The following POR variants were observed in gnomAD, a reference collection of about 807,000 sequenced individuals.
POR encodes the protein NADPH--cytochrome P450 reductase.
POR carries 56 observed loss-of-function variants against 84.0 expected under a neutral mutation model. That is an observed-to-expected ratio of 0.67 (90% CI 0.54 to 0.83). The LOEUF (loss-of-function observed/expected upper bound fraction) is 0.83. Ranked by LOEUF, POR falls within the 40% of genes least tolerant of loss-of-function variation. The probability of loss-of-function intolerance (pLI) is 0.00; values close to 1 mark genes in which losing one functional copy is unlikely to be tolerated. For synonymous variants in POR, 414 were observed against 400.5 expected, an observed-to-expected ratio of 1.03 and a Z score of -0.40; for missense variants, 938 against 944.3, an observed-to-expected ratio of 0.99 and a Z score of 0.09.
chr7:75,979,841 GGCC>G (rs1260800236), intron 4 of POR: 6 of 451,408 alleles, frequency 1.3e-5, no homozygotes, highest in African/African-American at 1.2e-4. Flanking sequence ...CCCTCCTGGC[GGCC>G]GCCACATCTC....
intron 1 of POR, among the ~76,000 whole-genome samples, chr7:75,934,469 A>C (rs1554550541): frequency 7.2e-5 from 11 of 152,336 alleles, no homozygotes. Flanking sequence ...GCCATGTGAC[A>C]GAAAGAAAAA....
intron 5 of POR, chr7:75,980,700 G>C (rs782755647): frequency 1.2e-5 from 19 of 1,527,318 alleles, no homozygotes; most frequent in Middle Eastern, 1.7e-4. Flanking sequence ...GCTCCAGGGG[G>C]CATTGGGTGC....
At chr7:75,955,890 A>G (rs982152211) in intron 2 of POR, among the ~76,000 whole-genome samples, 8 of 152,248 alleles carry the variant, frequency 5.3e-5, no homozygotes, top group Middle Eastern at 3.4e-3. Context: ...CCCTATTCCA[A>G]TCTGGGTATC....
At chr7:75,918,343 G>A (rs1051088634) in intron 1 of POR, among the ~76,000 whole-genome samples, 1 of 152,096 alleles carries the variant, frequency 6.6e-6, no homozygotes, top group Non-Finnish European at 1.5e-5. Flanking sequence ...TTGTTTTGCT[G>A]TGCAGTTTTG....
In POR at chr7:75,972,463, TGA is replaced by T. The variant is rs1554556324; in HGVS notation, c.237+4_237+5del. ...TTTGTGGAAAAGATGAAGAAAACGG[TGA>T]GTTTCCTGCATGTCTTTACTCTTCT... On this transcript the variant is annotated splice_donor_region_variant and intron_variant, in intron 3 of 15. Coordinates refer to ENST00000461988, the MANE Select transcript of POR (RefSeq NM_000941.3). 2 of 1,603,328 alleles carry T rather than the reference TGA, an allele frequency of 1.2e-6. No individual in the cohort carries two copies. The highest frequency in any genetic ancestry group is 1.7e-6 in the Non-Finnish European group (2 of 1,174,744).
At chr7:75,972,715 C>G in intron 3 of POR, 1 of 561,008 alleles carries the variant, frequency 1.8e-6, no homozygotes. Flanking sequence ...GACCCTCCCT[C>G]TAACTCACGA....
chr7:75,982,002 G>A (rs943253333), intron 7 of POR: 7 of 580,344 alleles, frequency 1.2e-5, no homozygotes, highest in African/African-American at 5.6e-5. Flanking sequence ...GCCCTGCCCC[G>A]GCTTCTGGGC....
intron 2 of POR, chr7:75,968,275 A>T (rs1788275191): frequency 2.1e-6 from 1 of 468,012 alleles, no homozygotes; most frequent in South Asian, 1.6e-5. Flanking sequence ...AGTTAACAGC[A>T]AGGTCAGCCA....
At chr7:75,924,659 T>C (rs1554549249) in intron 1 of POR, among the ~76,000 whole-genome samples, 1 of 152,124 alleles carries the variant, frequency 6.6e-6, no homozygotes, top group African/African-American at 2.4e-5. Flanking sequence ...TGAGCCATGA[T>C]CAGACCACTG....
intron 9 of POR, 41 bp from the exon 10 acceptor site, chr7:75,983,697 G>A (rs1554558506): frequency 6.2e-7 from 1 of 1,607,212 alleles, no homozygotes; most frequent in South Asian, 1.1e-5. Flanking sequence ...CTGGGGCAGG[G>A]CCAGCCTTCC....
rs72557958 is a variant in POR at position 75,986,292 on chromosome 7, C to G, written c.1899-45C>G. Reference sequence around the variant, plus strand: ...GGGGGCAGGGAGGACAAGGCCCTGCCTGCCACAGTTGGCCCAGCCCCCAGC... The same window carrying G: ...GGGGGCAGGGAGGACAAGGCCCTGCGTGCCACAGTTGGCCCAGCCCCCAGC... On this transcript the variant is annotated intron_variant, in intron 15 of 15. Coordinates refer to ENST00000461988, the MANE Select transcript of POR (RefSeq NM_000941.3). 252 of 1,612,608 alleles carry G rather than the reference C, an allele frequency of 1.6e-4. 1 individual carries two copies. Among genetic ancestry groups the G allele is most frequent in the Non-Finnish European group, 3.1e-5 (37 of 1,179,862 alleles).
rs868946016 is a variant in POR at position 75,952,970 on chromosome 7, C to T, written c.-4-1019C>T. On this transcript the variant is annotated intron_variant, in intron 1 of 15. Coordinates refer to ENST00000461988, the MANE Select transcript of POR (RefSeq NM_000941.3). ...CGGCTCTTTGGGAGGCCAAGGCAGG[C>T]GGCTGGGAGGTGGTTGTAGCGAGCC... is the stretch of plus-strand genomic sequence containing the variant. Among the ~76,000 whole-genome samples, 770 of 152,192 alleles carry T rather than the reference C, an allele frequency of 5.1e-3. 8 individuals are homozygous for T. The highest frequency in any genetic ancestry group is 0.027 in the Middle Eastern group (8 of 294).
chr7:75,964,125 G>C (rs1440795488), intron 2 of POR, among the ~76,000 whole-genome samples: 1 of 151,468 alleles, frequency 6.6e-6, no homozygotes, highest in Non-Finnish European at 1.5e-5. Context: ...TCAGCTTCCT[G>C]AGTAGCTGGG....
chr7:75,983,142 A>G (rs1364546377), intron 8 of POR, among the ~76,000 whole-genome samples: 2 of 152,110 alleles, frequency 1.3e-5, no homozygotes, highest in Non-Finnish European at 2.9e-5. Context: ...GGAGTTCAAG[A>G]CCAGCCTGGC....
At chr7:75,969,774 T>C (rs1186100043) in intron 2 of POR, among the ~76,000 whole-genome samples, 1 of 152,168 alleles carries the variant, frequency 6.6e-6, no homozygotes, top group East Asian at 1.9e-4. Context: ...AACTCAGGGC[T>C]GGCCACCCTA....
intron 2 of POR, among the ~76,000 whole-genome samples, chr7:75,966,177 A>T (rs1288360494): frequency 1.3e-5 from 2 of 152,176 alleles, no homozygotes; most frequent in African/African-American, 4.8e-5. Context: ...ACTCAGTAAG[A>T]AGTCATTCCC....
intron 1 of POR, among the ~76,000 whole-genome samples, chr7:75,930,385 G>A (rs1807354397): frequency 6.6e-6 from 1 of 152,154 alleles, no homozygotes; most frequent in Non-Finnish European, 1.5e-5. Context: ...GGGAGGCTGA[G>A]GTGGGAGGAT....
chr7:75,967,829 C>T (rs1161420057), intron 2 of POR: 7 of 344,938 alleles, frequency 2.0e-5, no homozygotes, highest in Non-Finnish European at 2.9e-5. Flanking sequence ...CTGAGTCCTG[C>T]CTGCTGGGGC....
intron 3 of POR, among the ~76,000 whole-genome samples, chr7:75,974,524 C>CTTTTTTTT (rs1238804117): frequency 1.3e-4 from 14 of 107,904 alleles, no homozygotes; most frequent in South Asian, 3.2e-4. Context: ...TTTTTCTTTT[C>CTTTTTTTT]TTTTTTTTTT....
Sources: gnomAD v4.1 joint callset for allele counts (sites outside exome capture counted in the v4.1 genomes callset) on GRCh38, gnomAD v4.1.1 for gene constraint, MANE v1.5 for transcripts, NCBI Gene and HGNC (gene_info 2026-07-23, HGNC 2026-07-21) for gene names.